The following SPAG16 variants were observed in gnomAD, a reference collection of about 807,000 sequenced individuals.
The protein encoded by SPAG16 is sperm-associated antigen 16 protein.
A neutral mutation model predicts 80.4 loss-of-function variants in SPAG16; 86 were observed. That is an observed-to-expected ratio of 1.07 (90% CI 0.90 to 1.28). The LOEUF is 1.28. Ranked by LOEUF, SPAG16 falls within the 50% of genes most tolerant of loss-of-function variation. The pLI, the probability that SPAG16 is intolerant of heterozygous loss-of-function variation, is 0.00. For missense variants in SPAG16, 870 were observed against 765.3 expected (o/e 1.14, Z -1.61); for synonymous variants, 294 against 265.9 (o/e 1.11, Z -1.03).
At chr2:213,972,478 G>A (rs2045124100) in intron 12 of SPAG16, among the ~76,000 whole-genome samples, 1 of 152,086 alleles carries the variant, frequency 6.6e-6, no homozygotes, top group Admixed American at 6.6e-5. Context: ...GGAGAAGGTG[G>A]ATGTCCCAGC....
At chr2:213,513,824 GT>G (rs1361973621) in intron 10 of SPAG16, among the ~76,000 whole-genome samples, 1 of 152,084 alleles carries the variant, frequency 6.6e-6, no homozygotes, top group Non-Finnish European at 1.5e-5. Context: ...ATATTTATGA[GT>G]TGGCTGCTTC....
At chr2:214,072,532 A>G (rs1317455137) in intron 13 of SPAG16, among the ~76,000 whole-genome samples, 1 of 152,140 alleles carries the variant, frequency 6.6e-6, no homozygotes, top group Non-Finnish European at 1.5e-5. Flanking sequence ...AATGACACTA[A>G]AGGGAAATAC....
At chr2:214,235,520 C>T (rs1300887866) in intron 15 of SPAG16, among the ~76,000 whole-genome samples, 1 of 152,016 alleles carries the variant, frequency 6.6e-6, no homozygotes, top group African/African-American at 2.4e-5. Context: ...CACTAAACAC[C>T]TACAGCTTTA....
intron 15 of SPAG16, among the ~76,000 whole-genome samples, chr2:214,161,659 A>G (rs1308226216): frequency 6.6e-6 from 1 of 151,822 alleles, no homozygotes; most frequent in African/African-American, 2.4e-5. Context: ...GGAATAACAC[A>G]CACTGGGGCC....
chr2:213,902,295 T>A (rs780352977), intron 11 of SPAG16, among the ~76,000 whole-genome samples: 1 of 152,148 alleles, frequency 6.6e-6, no homozygotes, highest in Non-Finnish European at 1.5e-5. Context: ...ATAGTACATT[T>A]ATGTATTAGT....
At chr2:214,373,838 A>G (rs1699961300) in intron 15 of SPAG16, among the ~76,000 whole-genome samples, 1 of 152,196 alleles carries the variant, frequency 6.6e-6, no homozygotes, top group African/African-American at 2.4e-5. Context: ...ATCATAAATC[A>G]TGGTTATATT....
At chr2:213,340,077 G>A in intron 5 of SPAG16, 86 bp from the exon 6 acceptor site, 1 of 787,870 alleles carries the variant, frequency 1.3e-6, no homozygotes, top group Non-Finnish European at 2.1e-6. Context: ...CTTTTGAATG[G>A]CACAATACTG....
At chr2:214,159,040 G>T (rs937756632) in intron 15 of SPAG16, among the ~76,000 whole-genome samples, 8 of 151,936 alleles carry the variant, frequency 5.3e-5, no homozygotes, top group South Asian at 2.1e-4. Flanking sequence ...AATTAGTTGC[G>T]TAACTATACA....
intron 15 of SPAG16, among the ~76,000 whole-genome samples, chr2:214,227,421 A>G (rs2058721057): frequency 6.6e-6 from 1 of 152,056 alleles, no homozygotes; most frequent in African/African-American, 2.4e-5. Context: ...TTATTTTGTT[A>G]TTACCAAAAA....
intron 10 of SPAG16, among the ~76,000 whole-genome samples, chr2:213,518,349 C>T (rs957880174): frequency 9.9e-5 from 15 of 152,220 alleles, no homozygotes; most frequent in African/African-American, 3.4e-4. Context: ...CTTACTGCAA[C>T]CGCAAAGTCC....
At chr2:213,477,516 T>C (rs749701604) in intron 9 of SPAG16, among the ~76,000 whole-genome samples, 1 of 152,202 alleles carries the variant, frequency 6.6e-6, no homozygotes, top group Non-Finnish European at 1.5e-5. Flanking sequence ...ATGACCTGGA[T>C]GTGAGACATG....
chr2:213,393,844 T>A (rs1025029177), intron 9 of SPAG16, among the ~76,000 whole-genome samples: 1 of 152,156 alleles, frequency 6.6e-6, no homozygotes, highest in Admixed American at 6.5e-5. Flanking sequence ...ATTTTTCTGA[T>A]TACTAATTAA....
rs529569397 is a variant in SPAG16 at position 213,734,060 on chromosome 2, A to G, written c.1071-128425A>G. On this transcript the variant is annotated intron_variant, in intron 10 of 15. Transcript: ENST00000331683. The stretch of plus-strand genomic sequence containing the variant: ...CACTGTGATTCTCTGTGAATATAAC[A>G]TCTGTCACTTCTCTGTCTAAATTCT... 1.7e-3 allele frequency among the ~76,000 whole-genome samples: 264 copies of G among 152,292 alleles called. 1 individual carries two copies. The highest frequency in any genetic ancestry group is 2.8e-3 in the Admixed American group (43 of 15,288).
At position 214,108,185 on chromosome 2, in the gene SPAG16, TGTCTTCCTA is replaced by T; in HGVS notation, c.1528-9_1528-1del. ...AATTTATTTGACTCTGTTTCTGCTT[TGTCTTCCTA>T]GGGTATATGTGAGCAGTCACTTTAT... On this transcript the variant is annotated splice_acceptor_variant and splice_polypyrimidine_tract_variant and intron_variant, in intron 13 of 15. Transcript: ENST00000331683. LOFTEE classifies it high-confidence loss of function. The T allele has an allele frequency of 6.5e-7, 1 of 1,531,062 alleles. No homozygotes were observed. Among genetic ancestry groups the T allele is most frequent in the Non-Finnish European group, 8.9e-7 (1 of 1,127,762 alleles). The allele number at this position is 1,531,062 out of a possible 1,614,324, so 94.8% of individuals were successfully genotyped here.
At chr2:213,437,273 A>G (rs899864228) in intron 9 of SPAG16, among the ~76,000 whole-genome samples, 2 of 152,200 alleles carry the variant, frequency 1.3e-5, no homozygotes, top group African/African-American at 4.8e-5. Context: ...CCCATGCCTT[A>G]TCTCTTACTA....
chr2:213,598,204 A>G (rs527241350), intron 10 of SPAG16, among the ~76,000 whole-genome samples: 2 of 152,312 alleles, frequency 1.3e-5, no homozygotes, highest in South Asian at 4.1e-4. Context: ...CCCTGTACAC[A>G]TTAATAAATT....
intron 12 of SPAG16, among the ~76,000 whole-genome samples, chr2:213,945,663 A>G (rs2079419344): frequency 6.6e-6 from 1 of 152,118 alleles, no homozygotes; most frequent in Admixed American, 6.6e-5. Flanking sequence ...ACCCTCACAG[A>G]CACACCCAGG....
intron 10 of SPAG16, among the ~76,000 whole-genome samples, chr2:213,674,500 C>A (rs1437015134): frequency 6.6e-6 from 1 of 150,802 alleles, no homozygotes; most frequent in Admixed American, 6.6e-5. Context: ...CGTCATCTAG[C>A]ATTAGGTATA....
intron 10 of SPAG16, among the ~76,000 whole-genome samples, chr2:213,537,982 C>T (rs16850449): frequency 0.051 from 7,771 of 152,132 alleles, 686 homozygotes; most frequent in African/African-American, 0.18. Flanking sequence ...TTCAATCATT[C>T]GTGTATTAGT....
Sources: gnomAD v4.1 joint callset for allele counts (sites outside exome capture counted in the v4.1 genomes callset) on GRCh38, gnomAD v4.1.1 for gene constraint, MANE v1.5 for transcripts, NCBI Gene and HGNC (gene_info 2026-07-23, HGNC 2026-07-21) for gene names.